The following GLI3 variants were observed in gnomAD, a reference collection of about 807,000 sequenced individuals.
The protein encoded by GLI3 is transcription activator GLI3.
In GLI3, 20 loss-of-function variants were observed where a neutral mutation model predicts 100.8. The ratio of observed to expected loss-of-function variants is 0.20; its 90% CI spans 0.14 to 0.29. The LOEUF (loss-of-function observed/expected upper bound fraction) is 0.29, where lower values mean the gene tolerates loss of function less well. Among genes scored for constraint, GLI3 ranks in the 10% least tolerant of loss-of-function variants. GLI3 has a pLI of 1.00. For synonymous variants in GLI3, 938 were observed against 860.5 expected, an observed-to-expected ratio of 1.09 and a Z score of -1.58; for missense variants, 2,040 against 2,128.5, an observed-to-expected ratio of 0.96 and a Z score of 0.82.
chr7:42,084,271 C>T (rs1483290418), intron 3 of GLI3, among the ~76,000 whole-genome samples: 1 of 152,206 alleles, frequency 6.6e-6, no homozygotes, highest in Non-Finnish European at 1.5e-5. Context: ...TCATGTGTTT[C>T]CCACAAGAAA....
At chr7:41,982,412 A>G (rs1210080970) in intron 10 of GLI3, among the ~76,000 whole-genome samples, 1 of 152,212 alleles carries the variant, frequency 6.6e-6, no homozygotes, top group African/African-American at 2.4e-5. Context: ...CTAAATATTT[A>G]CTTTCCTTTA....
At chr7:42,083,766 G>A (rs1785045393) in intron 3 of GLI3, among the ~76,000 whole-genome samples, 1 of 152,134 alleles carries the variant, frequency 6.6e-6, no homozygotes, top group African/African-American at 2.4e-5. Flanking sequence ...ATGCTAACTT[G>A]TGTGACTGAC....
intron 13 of GLI3, among the ~76,000 whole-genome samples, chr7:41,971,914 G>A (rs1203697446): frequency 1.3e-5 from 2 of 152,066 alleles, no homozygotes; most frequent in East Asian, 1.9e-4. Flanking sequence ...CACACTGCAC[G>A]GTATTTGTTT....
chr7:42,253,577 C>T (rs1045532081), intron 1 of GLI3, among the ~76,000 whole-genome samples: 1 of 152,208 alleles, frequency 6.6e-6, no homozygotes, highest in African/African-American at 2.4e-5. Context: ...TTAAATAGTT[C>T]TTAAGCATGA....
intron 13 of GLI3, among the ~76,000 whole-genome samples, chr7:41,970,954 T>A (rs1306285125): frequency 1.3e-5 from 2 of 152,216 alleles, no homozygotes; most frequent in Non-Finnish European, 2.9e-5. Context: ...TAAAATACAG[T>A]GATCAACCAT....
chr7:42,163,762 C>T (rs112547132), intron 2 of GLI3, among the ~76,000 whole-genome samples: 2,007 of 152,150 alleles, frequency 0.013, 39 homozygotes, highest in African/African-American at 0.045. Flanking sequence ...ACATCACAAC[C>T]ACTGGGCACA....
intron 10 of GLI3, among the ~76,000 whole-genome samples, chr7:42,018,945 T>C (rs1168442916): frequency 1.3e-5 from 2 of 152,190 alleles, no homozygotes; most frequent in Non-Finnish European, 2.9e-5. Flanking sequence ...CCCAGTGCGA[T>C]TGCCAAGGGC....
intron 10 of GLI3, among the ~76,000 whole-genome samples, chr7:42,022,817 T>C (rs1788981990): frequency 1.3e-5 from 2 of 152,222 alleles, no homozygotes; most frequent in South Asian, 4.1e-4. Context: ...TGAAATGATA[T>C]GCAGGAGAGT....
At chr7:42,179,689 T>G (rs1306882535) in intron 2 of GLI3, among the ~76,000 whole-genome samples, 2 of 151,934 alleles carry the variant, frequency 1.3e-5, no homozygotes, top group African/African-American at 4.8e-5. Context: ...GGGATGTGTG[T>G]GTGGCAAGGG....
At chr7:41,987,101 GACACACACACAC>G (rs34005460) in intron 10 of GLI3, among the ~76,000 whole-genome samples, 12 of 140,614 alleles carry the variant, frequency 8.5e-5, no homozygotes, top group South Asian at 2.4e-4. Context: ...CACAGACACA[GACACACACACAC>G]ACACACACAC....
At position 42,026,341 on chromosome 7, in the gene GLI3, T is replaced by G; in HGVS notation, c.1100A>C (p.Gln367Pro). 6.2e-7 allele frequency: 1 copy of G among 1,614,136 alleles called. No individual in the cohort carries two copies. Among genetic ancestry groups the G allele is most frequent in the East Asian group, 2.2e-5 (1 of 44,878 alleles). ...TCCAAAGGCTGAACCTAAGCTCTGT[T>G]GTCGGCTTAGGATCTGCTGATGCAT... Reference protein sequence around the residue: ...LHMHQQILSRQQSLGSAFGHS... With the variant: ...LHMHQQILSRPQSLGSAFGHS... The change falls in exon 8 of 15, where the codon CAA (glutamine) becomes CCA (proline). Residue 367 changes from glutamine to proline, a missense_variant. This residue lies in a region of GLI3 where 603 missense variants were observed against 690.9 expected (regional missense o/e 0.87). Coordinates refer to ENST00000395925, the MANE Select transcript of GLI3 (RefSeq NM_000168.6).
chr7:41,997,250 C>T (rs944336814), intron 10 of GLI3, among the ~76,000 whole-genome samples: 1 of 152,158 alleles, frequency 6.6e-6, no homozygotes, highest in African/African-American at 2.4e-5. Flanking sequence ...GATAAAGAAA[C>T]CTGACATTTT....
chr7:42,192,615 C>A (rs1048250100), intron 2 of GLI3, among the ~76,000 whole-genome samples: 1 of 152,100 alleles, frequency 6.6e-6, no homozygotes, highest in African/African-American at 2.4e-5. Context: ...GAGATGGGGG[C>A]GCTGGAAAGA....
chr7:42,191,717 C>A (rs1328568747), intron 2 of GLI3, among the ~76,000 whole-genome samples: 1 of 151,630 alleles, frequency 6.6e-6, no homozygotes, highest in African/African-American at 2.4e-5. Flanking sequence ...CAGTGTTAAG[C>A]CCTTAACATA....
At chr7:42,016,595 T>C (rs846299) in intron 10 of GLI3, among the ~76,000 whole-genome samples, 149,134 of 152,252 alleles carry the variant, frequency 0.98, 73,044 homozygotes, top group East Asian at 0.99. Context: ...AACCCAGGTC[T>C]GTCTGCTTTG....
chr7:42,054,384 A>G (rs1380375513), intron 4 of GLI3, among the ~76,000 whole-genome samples: 2 of 152,174 alleles, frequency 1.3e-5, no homozygotes, highest in Non-Finnish European at 2.9e-5. Flanking sequence ...CCATTATGAG[A>G]GCATTAAACA....
chr7:42,099,107 G>C (rs3801176), intron 3 of GLI3, among the ~76,000 whole-genome samples: 35,008 of 152,034 alleles, frequency 0.23, 4,959 homozygotes, highest in Middle Eastern at 0.35. Context: ...GTTCTGCCCA[G>C]GGACTTCATG....
chr7:42,161,611 T>C (rs1411646651), intron 2 of GLI3, among the ~76,000 whole-genome samples: 2 of 152,194 alleles, frequency 1.3e-5, no homozygotes, highest in Non-Finnish European at 2.9e-5. Flanking sequence ...AGCAATATCA[T>C]CCTACAGATG....
intron 2 of GLI3, among the ~76,000 whole-genome samples, chr7:42,190,065 A>G (rs898920847): frequency 1.3e-5 from 2 of 151,836 alleles, no homozygotes; most frequent in African/African-American, 4.8e-5. Context: ...TAAAGGTATT[A>G]ACATTTGCAA....
Sources: gnomAD v4.1 joint callset for allele counts (sites outside exome capture counted in the v4.1 genomes callset) on GRCh38, gnomAD v4.1.1 for gene constraint, gnomAD v4.1.1 regional missense constraint, MANE v1.5 for transcripts, NCBI Gene and HGNC (gene_info 2026-07-23, HGNC 2026-07-21) for gene names.